The following COL5A2 variants were observed in gnomAD, a reference collection of about 807,000 sequenced individuals.
The protein encoded by COL5A2 is collagen type V alpha 2 chain, also known as collagen alpha-2(V) chain.
A neutral mutation model predicts 208.2 loss-of-function variants in COL5A2; 23 were observed. That is an observed-to-expected ratio of 0.11 (90% CI 0.08 to 0.16). The LOEUF is 0.16. Among genes scored for constraint, COL5A2 ranks in the 10% least tolerant of loss-of-function variants. COL5A2 has a pLI of 1.00. For synonymous variants in COL5A2, 625 were observed against 628.5 expected (o/e 0.99, Z 0.08); for missense variants, 1,590 against 1,956.4 (o/e 0.81, Z 3.53).
chr2:189,291,760 T>A, the COL5A2 span, among the ~76,000 whole-genome samples: 1 of 151,942 alleles, frequency 6.6e-6, no homozygotes, highest in Non-Finnish European at 1.5e-5. Flanking sequence ...CTACTGAAAA[T>A]TTTTCTGCTA....
At chr2:189,077,595 T>C (rs924481233) in intron 16 of COL5A2, among the ~76,000 whole-genome samples, 4 of 152,164 alleles carry the variant, frequency 2.6e-5, no homozygotes, top group Non-Finnish European at 2.9e-5. Flanking sequence ...TGATAGACGA[T>C]GTTAGCCTAG....
At chr2:189,099,638 T>C (rs187996155) in intron 4 of COL5A2, among the ~76,000 whole-genome samples, 36 of 151,988 alleles carry the variant, frequency 2.4e-4, no homozygotes, top group Non-Finnish European at 4.0e-4. Flanking sequence ...AAAATAAAAA[T>C]AAAAAATAAT....
At chr2:189,340,524 G>A in the COL5A2 span, among the ~76,000 whole-genome samples, 10 of 152,170 alleles carry the variant, frequency 6.6e-5, no homozygotes, top group African/African-American at 2.2e-4. Flanking sequence ...CCCAAACCAC[G>A]TTGTGTCTTC....
intron 47 of COL5A2, among the ~76,000 whole-genome samples, chr2:189,044,161 T>A (rs902740224): frequency 1.1e-4 from 16 of 152,182 alleles, no homozygotes; most frequent in Admixed American, 5.2e-4. Flanking sequence ...AATCCCTATT[T>A]ATCTGACTTT....
chr2:189,249,515 C>G, the COL5A2 span, among the ~76,000 whole-genome samples: 1 of 152,146 alleles, frequency 6.6e-6, no homozygotes, highest in South Asian at 2.1e-4. Flanking sequence ...ATTGTCATTG[C>G]AATTTTATTC....
the COL5A2 span, among the ~76,000 whole-genome samples, chr2:189,413,783 ATTTTT>A: frequency 6.3e-5 from 5 of 79,176 alleles, no homozygotes; most frequent in African/African-American, 2.6e-4. Flanking sequence ...CCTTGGCGTC[ATTTTT>A]TTTTTTTTTT....
At chr2:189,384,106 A>G in the COL5A2 span, among the ~76,000 whole-genome samples, 1 of 152,180 alleles carries the variant, frequency 6.6e-6, no homozygotes, top group Non-Finnish European at 1.5e-5. Context: ...TATATGGCTG[A>G]ATAATATTCC....
At chr2:189,422,620 T>C in the COL5A2 span, among the ~76,000 whole-genome samples, 5 of 152,186 alleles carry the variant, frequency 3.3e-5, no homozygotes, top group Non-Finnish European at 5.9e-5. Flanking sequence ...GTATAAATCA[T>C]GTGTTAGGCT....
At chr2:189,393,411 C>A in the COL5A2 span, among the ~76,000 whole-genome samples, 2 of 151,944 alleles carry the variant, frequency 1.3e-5, no homozygotes, top group South Asian at 4.1e-4. Context: ...CTCATTAATT[C>A]TTTTTTTAAT....
At chr2:189,145,342 T>A (rs1453069349) in intron 1 of COL5A2, among the ~76,000 whole-genome samples, 1 of 152,140 alleles carries the variant, frequency 6.6e-6, no homozygotes, top group Non-Finnish European at 1.5e-5. Flanking sequence ...ATTTTTTACA[T>A]GGATTCAAGG....
At chr2:189,147,000 A>C (rs1249602849) in intron 1 of COL5A2, among the ~76,000 whole-genome samples, 3 of 152,198 alleles carry the variant, frequency 2.0e-5, no homozygotes, top group Admixed American at 2.0e-4. Context: ...CAAAGCCAAC[A>C]ATAAGAAGAC....
the COL5A2 span, among the ~76,000 whole-genome samples, chr2:189,331,079 G>A: frequency 6.6e-6 from 1 of 151,970 alleles, no homozygotes; most frequent in African/African-American, 2.4e-5. Flanking sequence ...TGATAATATA[G>A]AAAATTTGAA....
chr2:189,053,022 T>TA lies in COL5A2; in HGVS notation c.2554-5dup. The TA allele has an allele frequency of 6.2e-7, 1 of 1,609,086 alleles. No homozygotes were observed. The highest frequency in any genetic ancestry group is 8.5e-7 in the Non-Finnish European group (1 of 1,175,614). On this transcript the variant is annotated splice_polypyrimidine_tract_variant and splice_region_variant and intron_variant, in intron 38 of 53. Coordinates refer to ENST00000374866, the MANE Select transcript of COL5A2 (RefSeq NM_000393.5). Reference sequence around the variant, plus strand: ...CTCCAGGCTGTCCGTCAGGACCCTATAAAAAATTATACAAACAAGCAATTG... The same window carrying TA: ...CTCCAGGCTGTCCGTCAGGACCCTATAAAAAAATTATACAAACAAGCAATTG...
At chr2:189,072,570 G>A (rs10195184) in intron 17 of COL5A2, among the ~76,000 whole-genome samples, 108,104 of 151,774 alleles carry the variant, frequency 0.71, 39,480 homozygotes, top group Non-Finnish European at 0.81. Context: ...TCAGGAGTTC[G>A]AGACCAGCCT....
chr2:189,422,267 TAGAG>T, the COL5A2 span, among the ~76,000 whole-genome samples: 1 of 151,436 alleles, frequency 6.6e-6, no homozygotes, highest in Non-Finnish European at 1.5e-5. Flanking sequence ...TTTAGGAAAA[TAGAG>T]AGAGATAATT....
intron 6 of COL5A2, among the ~76,000 whole-genome samples, chr2:189,093,911 G>A (rs1686844328): frequency 6.6e-6 from 1 of 152,148 alleles, no homozygotes; most frequent in Non-Finnish European, 1.5e-5. Context: ...CTCTGATTCT[G>A]TTCTTGCAAT....
intron 40 of COL5A2, 135 bp from the exon 41 acceptor site, chr2:189,052,360 T>C: frequency 2.4e-6 from 2 of 838,176 alleles, no homozygotes; most frequent in Non-Finnish European, 3.9e-6. Flanking sequence ...TTTTTTTTTC[T>C]TCGTACGAAT....
In COL5A2 at chr2:189,063,270, C is replaced by A. The variant is rs1686075673; in HGVS notation, c.1771G>T (p.Gly591Cys). The A allele has an allele frequency of 6.2e-7, 1 of 1,613,194 alleles. No individual in the cohort carries two copies. Among genetic ancestry groups the A allele is most frequent in the Non-Finnish European group, 8.5e-7 (1 of 1,179,532 alleles). Reference sequence around the variant, plus strand: ...GGACGGCCATCTTCCCCTGGCGCACCCTATAGAATTGACAGGAGCCATGTA... The same window carrying A: ...GGACGGCCATCTTCCCCTGGCGCACACTATAGAATTGACAGGAGCCATGTA... ...QGPEGKLGPL[G>C]APGEDGRPGP... Residue 591 changes from glycine to cysteine, a missense_variant and splice_region_variant, in exon 27 of 54, where the codon GGT becomes TGT. Gly to Cys is a radical substitution (Grantham distance 159). Coordinates refer to ENST00000374866, the MANE Select transcript of COL5A2 (RefSeq NM_000393.5).
chr2:189,056,898 G>T, intron 35 of COL5A2, 75 bp downstream of exon 35: 1 of 1,396,698 alleles, frequency 7.2e-7, no homozygotes, highest in South Asian at 1.2e-5. Flanking sequence ...CTTTATTTTG[G>T]AAGGTTCAGG....
Sources: allele counts gnomAD v4.1 joint callset (sites outside exome capture counted in the v4.1 genomes callset), GRCh38; gene constraint gnomAD v4.1.1; transcripts MANE v1.5; gene names NCBI Gene and HGNC (gene_info 2026-07-23, HGNC 2026-07-21).